The following ATP13A5 variants were observed in gnomAD, a reference collection of about 807,000 sequenced individuals.
ATP13A5 encodes probable cation-transporting ATPase 13A5.
A neutral mutation model predicts 150.2 loss-of-function variants in ATP13A5; 149 were observed. The observed-to-expected ratio is 0.99, with a 90% CI of 0.87 to 1.14. The LOEUF (loss-of-function observed/expected upper bound fraction) is 1.14, where lower values mean the gene tolerates loss of function less well. Ranked by LOEUF, ATP13A5 falls within the 50% of genes most tolerant of loss-of-function variation. The pLI is 0.00. For synonymous variants in ATP13A5, 497 were observed against 522.2 expected, an observed-to-expected ratio of 0.95 and a Z score of 0.66; for missense variants, 1,383 against 1,449.3, an observed-to-expected ratio of 0.95 and a Z score of 0.74.
intron 23 of ATP13A5, among the ~76,000 whole-genome samples, chr3:193,304,700 G>A (rs919695973): frequency 1.3e-5 from 2 of 152,198 alleles, no homozygotes; most frequent in African/African-American, 4.8e-5. Context: ...GAGTGGAGGG[G>A]AGGGAAGCAT....
chr3:193,288,353 A>C (rs1717808595), intron 26 of ATP13A5, among the ~76,000 whole-genome samples: 1 of 152,100 alleles, frequency 6.6e-6, no homozygotes, highest in South Asian at 2.1e-4. Context: ...CAGTGAGGCA[A>C]ACTTCATCGT....
At position 193,342,779 on chromosome 3, in the gene ATP13A5, T is replaced by G. The variant is rs139855269; in HGVS notation, c.943+1148A>C. Among the ~76,000 whole-genome samples, 58 of 152,270 alleles carry G rather than the reference T, an allele frequency of 3.8e-4. No homozygotes were observed. The East Asian group carries it at 0.011, about 29-fold the overall frequency. ...TGTCTGCTCACTGCCACACTCTCTG[T>G]TACCAATGAGAGAAGTCATTCTTCA... is the stretch of plus-strand genomic sequence containing the variant. On this transcript the variant is annotated intron_variant, in intron 9 of 29. Coordinates refer to ENST00000342358, the MANE Select transcript of ATP13A5 (RefSeq NM_198505.4).
chr3:193,296,219 G>A (rs530155071), intron 25 of ATP13A5, among the ~76,000 whole-genome samples: 1 of 152,056 alleles, frequency 6.6e-6, no homozygotes, highest in Non-Finnish European at 1.5e-5. Context: ...AAGTCAGAGG[G>A]AGAGAGCACC....
intron 23 of ATP13A5, 128 bp downstream of exon 23, chr3:193,305,431 T>C: frequency 1.3e-6 from 1 of 787,408 alleles, no homozygotes; most frequent in Non-Finnish European, 2.2e-6. Flanking sequence ...CTTCATTGGT[T>C]CTCCAATAGC....
chr3:193,329,138 G>A (rs936498046), intron 12 of ATP13A5, among the ~76,000 whole-genome samples: 2 of 152,106 alleles, frequency 1.3e-5, no homozygotes, highest in East Asian at 1.9e-4. Flanking sequence ...CCAGCTACTC[G>A]GGAGGCTGAG....
At chr3:193,310,955 G>A (rs538923663) in intron 20 of ATP13A5, among the ~76,000 whole-genome samples, 10 of 152,178 alleles carry the variant, frequency 6.6e-5, no homozygotes, top group African/African-American at 2.2e-4. Context: ...TCCAAGATGG[G>A]GTGACCACTA....
At chr3:193,344,682 GGA>G (rs1180146637) in intron 8 of ATP13A5, among the ~76,000 whole-genome samples, 9 of 152,164 alleles carry the variant, frequency 5.9e-5, no homozygotes, top group Admixed American at 5.9e-4. Context: ...CATGTGAAGG[GGA>G]GAGGGAATTT....
intron 23 of ATP13A5, 134 bp from the exon 24 acceptor site, chr3:193,301,441 A>G (rs575781500): frequency 5.0e-4 from 319 of 643,996 alleles, no homozygotes; most frequent in Non-Finnish European, 4.3e-4. Context: ...TCATCCTCCT[A>G]TTTATTTAAC....
intron 7 of ATP13A5, among the ~76,000 whole-genome samples, chr3:193,345,779 C>T (rs1712313187): frequency 2.0e-5 from 3 of 152,148 alleles, no homozygotes; most frequent in South Asian, 4.1e-4. Context: ...ATTTAGTTCA[C>T]TTTAACAAAC....
At chr3:193,371,414 AG>A (rs1397348912) in intron 1 of ATP13A5, among the ~76,000 whole-genome samples, 1 of 152,232 alleles carries the variant, frequency 6.6e-6, no homozygotes, top group Admixed American at 6.5e-5. Context: ...TAGCAAACTC[AG>A]TGTCTTAATA....
intron 26 of ATP13A5, among the ~76,000 whole-genome samples, chr3:193,285,507 A>G (rs1717685269): frequency 6.6e-6 from 1 of 152,192 alleles, no homozygotes; most frequent in African/African-American, 2.4e-5. Flanking sequence ...CTTCCCTCAG[A>G]TAGCTAAAGG....
intron 25 of ATP13A5, among the ~76,000 whole-genome samples, chr3:193,293,288 C>A (rs531472467): frequency 7.9e-5 from 12 of 152,132 alleles, no homozygotes; most frequent in African/African-American, 1.2e-4. Context: ...TCTGCATTAT[C>A]TGGGTTTCCT....
At chr3:193,306,979 AG>A (rs577287662) in intron 22 of ATP13A5, 22 of 406,336 alleles carry the variant, frequency 5.4e-5, no homozygotes, top group Non-Finnish European at 7.3e-5. Context: ...TGACCTTGGG[AG>A]GGGGGAAGAA....
intron 29 of ATP13A5, 100 bp from the exon 30 acceptor site, chr3:193,275,402 T>C (rs1262463557): frequency 1.5e-6 from 2 of 1,371,386 alleles, no homozygotes; most frequent in East Asian, 2.3e-5. Flanking sequence ...GGCCTTCCTC[T>C]GAGGTGTGCT....
intron 21 of ATP13A5, among the ~76,000 whole-genome samples, chr3:193,307,878 T>C (rs1049224257): frequency 3.3e-5 from 5 of 152,224 alleles, no homozygotes; most frequent in Admixed American, 2.0e-4. Context: ...GAAAATAAGA[T>C]ATGTTTTCCA....
intron 12 of ATP13A5, 77 bp from the exon 13 acceptor site, chr3:193,327,134 T>C (rs1387700): frequency 0.84 from 1,075,832 of 1,288,110 alleles, 450,724 homozygotes; most frequent in East Asian, 0.98. Context: ...AAAACCCAAG[T>C]TTCTAAGATA....
rs764104661 is a variant in ATP13A5, at chr3:193,284,934, C to T, written c.3206G>A (p.Arg1069Gln). 1.5e-5 allele frequency: 25 copies of T among 1,613,446 alleles called. No individual in the cohort carries two copies. Among genetic ancestry groups the T allele is most frequent in the South Asian group, 3.3e-5 (3 of 90,992 alleles). ...CTTACAGTTTGTATAGATGGGTTTT[C>T]GAAATGGCTTTCCCTTAGAAAAGAT... ...AFIFSKGKPFRKPIYTNYIFS... is the reference protein window; with the variant it reads ...AFIFSKGKPFQKPIYTNYIFS... Residue 1069 changes from arginine to glutamine, a missense_variant, in exon 27 of 30, where the codon CGA becomes CAA. Physicochemically the swap from Arg to Gln is conservative, Grantham distance 43. This residue lies in a region of ATP13A5 where 568 missense variants were observed against 621.5 expected (regional missense o/e 0.91). Transcript: ENST00000342358.
chr3:193,297,064 C>T (rs1302806649), intron 25 of ATP13A5, among the ~76,000 whole-genome samples: 1 of 152,048 alleles, frequency 6.6e-6, no homozygotes, highest in African/African-American at 2.4e-5. Flanking sequence ...CACTATGGCA[C>T]ATGTTTACCT....
chr3:193,329,468 G>GA (rs35677749), intron 12 of ATP13A5, among the ~76,000 whole-genome samples: 129,219 of 151,914 alleles, frequency 0.85, 55,166 homozygotes, highest in East Asian at 0.96. Context: ...ACAGCCTCGG[G>GA]AAAATTAATT....
Sources: allele counts gnomAD v4.1 joint callset (sites outside exome capture counted in the v4.1 genomes callset), GRCh38; gene constraint gnomAD v4.1.1; regional missense constraint gnomAD v4.1.1; transcripts MANE v1.5; gene names NCBI Gene and HGNC (gene_info 2026-07-23, HGNC 2026-07-21).